The following RSU1 variants were observed in gnomAD, a reference collection of about 807,000 sequenced individuals.
RSU1 encodes Ras suppressor protein 1, also known as rsu-1.
A neutral mutation model predicts 31.1 loss-of-function variants in RSU1; 26 were observed. That is an observed-to-expected ratio of 0.84 (90% CI 0.61 to 1.16). RSU1 has a LOEUF of 1.16. Ranked by LOEUF, RSU1 falls within the 50% of genes most tolerant of loss-of-function variation. RSU1 has a pLI of 0.00. For missense variants in RSU1, 320 were observed against 339.1 expected (o/e 0.94, Z 0.44); for synonymous variants, 164 against 136.3 (o/e 1.20, Z -1.41).
chr10:16,692,760 C>T (rs901958002), intron 8 of RSU1, among the ~76,000 whole-genome samples: 1 of 152,042 alleles, frequency 6.6e-6, no homozygotes, highest in African/African-American at 2.4e-5. Context: ...TCTGTAATAA[C>T]TGTACATATC....
intron 8 of RSU1, among the ~76,000 whole-genome samples, chr10:16,619,964 G>A (rs1015597479): frequency 6.6e-5 from 10 of 152,052 alleles, no homozygotes; most frequent in African/African-American, 2.4e-4. Flanking sequence ...GGTGCCAACA[G>A]GTTTATACAT....
At chr10:16,805,420 C>T (rs1233363412) in intron 2 of RSU1, among the ~76,000 whole-genome samples, 2 of 151,904 alleles carry the variant, frequency 1.3e-5, no homozygotes, top group African/African-American at 2.4e-5. Flanking sequence ...GCCTGTAATC[C>T]GAACATTTTG....
At chr10:16,764,986 G>C (rs1471398700) in intron 3 of RSU1, among the ~76,000 whole-genome samples, 1 of 147,812 alleles carries the variant, frequency 6.8e-6, no homozygotes, top group Non-Finnish European at 1.5e-5. Context: ...GATGGCTAAT[G>C]GGGGGGGAGA....
At chr10:16,617,800 AC>A (rs1834003365) in intron 8 of RSU1, among the ~76,000 whole-genome samples, 1 of 152,192 alleles carries the variant, frequency 6.6e-6, no homozygotes, top group South Asian at 2.1e-4. Flanking sequence ...CAGAAACCAG[AC>A]CCCTTCCTTA....
At chr10:16,643,298 C>A (rs950971321) in intron 8 of RSU1, among the ~76,000 whole-genome samples, 1 of 152,000 alleles carries the variant, frequency 6.6e-6, no homozygotes, top group African/African-American at 2.4e-5. Flanking sequence ...TGATAGCTAC[C>A]CTTTGCTTCA....
At chr10:16,733,702 A>G (rs928395888) in intron 7 of RSU1, among the ~76,000 whole-genome samples, 1 of 152,216 alleles carries the variant, frequency 6.6e-6, no homozygotes, top group African/African-American at 2.4e-5. Flanking sequence ...GTGAACAGCT[A>G]AAGTAAAAAA....
At chr10:16,742,018 T>G (rs192612830) in intron 7 of RSU1, among the ~76,000 whole-genome samples, 10 of 152,194 alleles carry the variant, frequency 6.6e-5, no homozygotes, top group African/African-American at 2.2e-4. Context: ...GAAGTCAGAT[T>G]CTGGTATGGT....
intron 7 of RSU1, chr10:16,721,255 A>G (rs1227662620): frequency 6.6e-6 from 1 of 152,266 alleles, no homozygotes; most frequent in East Asian, 1.9e-4. Flanking sequence ...TAACCAGATC[A>G]TAGTGAATAC....
chr10:16,748,642 T>A (rs7074932), intron 7 of RSU1, among the ~76,000 whole-genome samples: 21,529 of 152,110 alleles, frequency 0.14, 1,874 homozygotes, highest in African/African-American at 0.24. Context: ...CCATTTCCTG[T>A]CTAAGCTCAT....
chr10:16,708,127 G>C (rs1835942196), intron 7 of RSU1, among the ~76,000 whole-genome samples: 1 of 152,052 alleles, frequency 6.6e-6, no homozygotes, highest in African/African-American at 2.4e-5. Context: ...CTTTGTAGTA[G>C]CAGTGACCCT....
chr10:16,694,521 AT>A (rs1316023901), intron 8 of RSU1, among the ~76,000 whole-genome samples: 6 of 152,308 alleles, frequency 3.9e-5, no homozygotes, highest in African/African-American at 1.4e-4. Context: ...CCCCTTGAAA[AT>A]ATCAATAAAA....
intron 8 of RSU1, among the ~76,000 whole-genome samples, chr10:16,628,907 G>A (rs527270179): frequency 6.6e-5 from 10 of 152,234 alleles, no homozygotes; most frequent in African/African-American, 2.2e-4. Flanking sequence ...AACCACACAA[G>A]CAGCAAGGTC....
At chr10:16,667,138 C>T (rs976085642) in intron 8 of RSU1, among the ~76,000 whole-genome samples, 6 of 152,176 alleles carry the variant, frequency 3.9e-5, no homozygotes, top group Non-Finnish European at 7.4e-5. Flanking sequence ...AAGAATAAAA[C>T]TGACACCAAG....
intron 8 of RSU1, among the ~76,000 whole-genome samples, chr10:16,672,235 G>A (rs961705334): frequency 1.1e-4 from 17 of 151,766 alleles, no homozygotes; most frequent in African/African-American, 2.4e-4. Flanking sequence ...GCGTGAACCC[G>A]GGAGGCAGAG....
chr10:16,801,024 A>G (rs774702082), intron 2 of RSU1, among the ~76,000 whole-genome samples: 1 of 151,986 alleles, frequency 6.6e-6, no homozygotes, highest in Non-Finnish European at 1.5e-5. Flanking sequence ...TAATCTAAGT[A>G]ATATCAATTA....
intron 2 of RSU1, among the ~76,000 whole-genome samples, chr10:16,783,415 A>G (rs61843965): frequency 0.15 from 21,228 of 138,708 alleles, 2,376 homozygotes; most frequent in East Asian, 0.34. Context: ...GAATACAGCC[A>G]CGCAATCTCA....
At position 16,793,262 on chromosome 10, in the gene RSU1, G is replaced by T. The variant is rs560509008; in HGVS notation, c.110-11178C>A. On this transcript the variant is annotated intron_variant, in intron 2 of 8. Coordinates refer to ENST00000345264, the MANE Select transcript of RSU1 (RefSeq NM_012425.4). ...AAGTTTTCAAAACACTTGAAATTTT[G>T]AATACTTGACTGAATTCTACTATTT... Among the ~76,000 whole-genome samples, 4 of 151,956 alleles carry T rather than the reference G, an allele frequency of 2.6e-5. No individual in the cohort carries two copies. In the South Asian group the frequency reaches 8.3e-4, roughly 32 times the overall value.
intron 2 of RSU1, among the ~76,000 whole-genome samples, chr10:16,796,351 G>A (rs1406610045): frequency 6.6e-6 from 1 of 152,066 alleles, no homozygotes; most frequent in African/African-American, 2.4e-5. Context: ...ATCTGCTCCA[G>A]GGCCTCGCTA....
At chr10:16,614,520 T>C (rs1446791258) in intron 8 of RSU1, among the ~76,000 whole-genome samples, 1 of 152,178 alleles carries the variant, frequency 6.6e-6, no homozygotes, top group Non-Finnish European at 1.5e-5. Flanking sequence ...AATGGATTGT[T>C]TGTAACAAAG....
Sources: allele counts gnomAD v4.1 joint callset (sites outside exome capture counted in the v4.1 genomes callset), GRCh38; gene constraint gnomAD v4.1.1; transcripts MANE v1.5; gene names NCBI Gene and HGNC (gene_info 2026-07-23, HGNC 2026-07-21).